Variants in PDSS2 observed in about 807,000 individuals in gnomAD.
PDSS2 encodes the protein decaprenyl diphosphate synthase subunit 2, also known as all trans-polyprenyl-diphosphate synthase PDSS2.
PDSS2 carries 31 observed loss-of-function variants against 44.5 expected under a neutral mutation model. That is an observed-to-expected ratio of 0.70 (90% CI 0.52 to 0.94). PDSS2 has a LOEUF of 0.94. PDSS2 is among the 40% of genes least tolerant of loss of function. The pLI, the probability that PDSS2 is intolerant of heterozygous loss-of-function variation, is 0.00. For synonymous variants in PDSS2, 157 were observed against 180.3 expected (o/e 0.87, Z 1.03); for missense variants, 452 against 482.2 (o/e 0.94, Z 0.59).
At chr6:107,317,324 G>A (rs2115150035) in intron 2 of PDSS2, among the ~76,000 whole-genome samples, 1 of 152,280 alleles carries the variant, frequency 6.6e-6, no homozygotes, top group African/African-American at 2.4e-5. Context: ...ACAACCAGAT[G>A]TGGAGGAAAC....
intron 6 of PDSS2, among the ~76,000 whole-genome samples, chr6:107,198,592 A>G (rs1330870900): frequency 6.6e-6 from 1 of 152,194 alleles, no homozygotes; most frequent in East Asian, 1.9e-4. Flanking sequence ...TATAATATCT[A>G]AATATGCCAA....
At chr6:107,253,515 G>C (rs753808399) in intron 3 of PDSS2, among the ~76,000 whole-genome samples, 1 of 152,198 alleles carries the variant, frequency 6.6e-6, no homozygotes, top group Non-Finnish European at 1.5e-5. Context: ...CACTCAGAAG[G>C]TTAATACGTA....
intron 1 of PDSS2, among the ~76,000 whole-genome samples, chr6:107,355,261 G>A (rs1426977805): frequency 1.3e-5 from 2 of 152,156 alleles, no homozygotes; most frequent in Non-Finnish European, 2.9e-5. Flanking sequence ...TTAGAAGTGA[G>A]ATACTTCATT....
In PDSS2 at chr6:107,207,659, T is replaced by G. The variant is rs1320105286; in HGVS notation, c.1008+2780A>C. Among the ~76,000 whole-genome samples the G allele has an allele frequency of 4.2e-5, 6 of 143,814 alleles. No homozygotes were observed. The East Asian group carries it at 1.3e-3, about 31-fold the overall frequency. 94.3% of individuals were successfully genotyped at this position (143,814 alleles called of 152,430 possible). A position where few individuals can be genotyped will look rare whatever the true frequency, so the allele number is the denominator to read the frequency against. ...CAGAGTCTCACTCTGCTGGCCAGGA[T>G]GGAGTGCAGTTGTGCAATCAGCTCA... On this transcript the variant is annotated intron_variant, in intron 6 of 7. Coordinates refer to ENST00000369037, the MANE Select transcript of PDSS2 (RefSeq NM_020381.4).
intron 1 of PDSS2, among the ~76,000 whole-genome samples, chr6:107,356,660 A>G (rs1480124352): frequency 6.6e-6 from 1 of 152,210 alleles, no homozygotes; most frequent in African/African-American, 2.4e-5. Flanking sequence ...TTCTCCTTTC[A>G]AATTATTTGC....
At chr6:107,404,648 A>G (rs1780250025) in intron 1 of PDSS2, among the ~76,000 whole-genome samples, 1 of 152,168 alleles carries the variant, frequency 6.6e-6, no homozygotes, top group Non-Finnish European at 1.5e-5. Context: ...AAACCATCAG[A>G]TCTTGTGAGA....
At chr6:107,205,717 A>T (rs900691606) in intron 6 of PDSS2, among the ~76,000 whole-genome samples, 1 of 152,094 alleles carries the variant, frequency 6.6e-6, no homozygotes, top group Non-Finnish European at 1.5e-5. Context: ...CAACATGCAC[A>T]TGCATCCATA....
chr6:107,337,306 G>C (rs9486590), intron 1 of PDSS2, among the ~76,000 whole-genome samples: 1,684 of 152,244 alleles, frequency 0.011, 28 homozygotes, highest in African/African-American at 0.037. Flanking sequence ...CCATGACAGA[G>C]CCAGGATTTG....
At chr6:107,413,991 T>C (rs1442789683) in intron 1 of PDSS2, among the ~76,000 whole-genome samples, 2 of 149,806 alleles carry the variant, frequency 1.3e-5, no homozygotes, top group Non-Finnish European at 3.0e-5. Context: ...AAATGAATTC[T>C]ACAAAGTTAG....
At chr6:107,246,795 G>T (rs1445783180) in intron 3 of PDSS2, among the ~76,000 whole-genome samples, 1 of 152,158 alleles carries the variant, frequency 6.6e-6, no homozygotes, top group Non-Finnish European at 1.5e-5. Context: ...AATTTTTGCT[G>T]ATTAAAGGCA....
chr6:107,291,609 T>TC (rs1776352490), intron 2 of PDSS2, among the ~76,000 whole-genome samples: 1 of 149,750 alleles, frequency 6.7e-6, no homozygotes, highest in African/African-American at 2.4e-5. Flanking sequence ...CAAGTGATCC[T>TC]CCCACCTTGG....
chr6:107,200,528 T>A (rs1340060459), intron 6 of PDSS2, among the ~76,000 whole-genome samples: 1 of 152,194 alleles, frequency 6.6e-6, no homozygotes, highest in African/African-American at 2.4e-5. Context: ...TGTGCTTCTA[T>A]GTGCATCAGG....
intron 1 of PDSS2, among the ~76,000 whole-genome samples, chr6:107,431,020 A>G (rs12201618): frequency 0.03 from 4,554 of 152,248 alleles, 115 homozygotes; most frequent in African/African-American, 0.061. Flanking sequence ...GAGGAAAGAA[A>G]ATCACGTTGG....
intron 1 of PDSS2, among the ~76,000 whole-genome samples, chr6:107,398,675 G>A (rs1242764185): frequency 6.6e-6 from 1 of 152,180 alleles, no homozygotes; most frequent in East Asian, 1.9e-4. Flanking sequence ...AATACCTAGT[G>A]GAGAAAAATA....
At chr6:107,178,756 C>T (rs1446760262) in intron 7 of PDSS2, among the ~76,000 whole-genome samples, 1 of 152,156 alleles carries the variant, frequency 6.6e-6, no homozygotes, top group Non-Finnish European at 1.5e-5. Context: ...CGAAGTGGCT[C>T]ACATCTGTAA....
chr6:107,323,835 T>G (rs923421394), intron 2 of PDSS2, among the ~76,000 whole-genome samples: 1 of 152,154 alleles, frequency 6.6e-6, no homozygotes, highest in Non-Finnish European at 1.5e-5. Flanking sequence ...ATTTTAAAAT[T>G]TTTTACTATT....
rs1778369041 is a variant in PDSS2, at chr6:107,349,565, A to G, written c.297-15233T>C. ...GGAGTTCGAGATCAGCCTGGCCAAC[A>G]TGATGAAACCCTGTCTCTGCTAAAA... On this transcript the variant is annotated intron_variant, in intron 1 of 7. Transcript: ENST00000369037. Among the ~76,000 whole-genome samples, 6 of 151,778 alleles carry G rather than the reference A, an allele frequency of 4.0e-5. No homozygotes were observed. In the South Asian group the frequency reaches 8.3e-4, roughly 21 times the overall value.
intron 2 of PDSS2, among the ~76,000 whole-genome samples, chr6:107,296,653 G>A (rs1257276885): frequency 6.6e-6 from 1 of 152,194 alleles, no homozygotes; most frequent in African/African-American, 2.4e-5. Context: ...CTTGAATCCA[G>A]GAGGCGGAGG....
chr6:107,377,363 G>A (rs1031150136), intron 1 of PDSS2, among the ~76,000 whole-genome samples: 22 of 152,124 alleles, frequency 1.4e-4, no homozygotes, highest in East Asian at 1.9e-4. Flanking sequence ...TTAGAATGGC[G>A]ATCATTAAAA....
Sources: gnomAD v4.1 joint callset for allele counts (sites outside exome capture counted in the v4.1 genomes callset) on GRCh38, gnomAD v4.1.1 for gene constraint, MANE v1.5 for transcripts, NCBI Gene and HGNC (gene_info 2026-07-23, HGNC 2026-07-21) for gene names.